Variants in CDH15 observed in about 807,000 individuals in gnomAD.
The protein encoded by CDH15 is cadherin-15.
Under a neutral mutation model 69.4 loss-of-function variants are expected in CDH15, and 73 were observed. The observed-to-expected ratio is 1.05, with a 90% CI of 0.87 to 1.28. The LOEUF is 1.28. CDH15 is among the 50% of genes most tolerant of loss of function. CDH15 has a pLI of 0.00. For synonymous variants in CDH15, 624 were observed against 507.7 expected, an observed-to-expected ratio of 1.23 and a Z score of -3.08; for missense variants, 1,343 against 1,133.6, an observed-to-expected ratio of 1.18 and a Z score of -2.65.
Position 89,180,313 on chromosome 16 carries a change from C to T in CDH15, c.315C>T (p.Phe105=). 1 of 1,612,590 alleles carries T rather than the reference C, an allele frequency of 6.2e-7. No homozygotes were observed. ...TCGACAAGTTCACAGGGAAGGTCTT[C>T]CTCAATGCCATGCTGGACCGCGAGA... is the stretch of plus-strand genomic sequence containing the variant. ...FSIDKFTGKV[F]LNAMLDREKT... Residue 105 remains phenylalanine, a synonymous_variant, in exon 3 of 14, where the codon TTC becomes TTT. Coordinates refer to ENST00000289746, the MANE Select transcript of CDH15 (RefSeq NM_004933.3).
chr16:89,182,936 G>A (rs1915409777), intron 3 of CDH15: 1 of 153,066 alleles, frequency 6.5e-6, no homozygotes, highest in South Asian at 2.1e-4. Flanking sequence ...TGTAATCCCA[G>A]CACTTTGGGA....
chr16:89,183,423 C>G (rs901032185), intron 3 of CDH15, 125 bp from the exon 4 acceptor site: 1 of 1,112,560 alleles, frequency 9.0e-7, no homozygotes, highest in Admixed American at 2.0e-5. Flanking sequence ...CTGTTTCTCG[C>G]CTGTTTAAGC....
intron 7 of CDH15, among the ~76,000 whole-genome samples, chr16:89,188,789 C>T (rs1304354767): frequency 1.5e-4 from 22 of 148,084 alleles, no homozygotes; most frequent in South Asian, 2.2e-4. Context: ...CAGATGCCCA[C>T]GCACAGGTGC....
At chr16:89,194,155 G>A (rs3785415) in intron 13 of CDH15, among the ~76,000 whole-genome samples, 70,403 of 152,168 alleles carry the variant, frequency 0.46, 19,733 homozygotes, top group Middle Eastern at 0.67. Context: ...GAGTGGCGAT[G>A]GCCACAGACC....
rs748893913 is a variant in CDH15, at chr16:89,193,431, C to A, written c.1856-39C>A. On this transcript the variant is annotated intron_variant, in intron 11 of 13. Coordinates refer to ENST00000289746, the MANE Select transcript of CDH15 (RefSeq NM_004933.3). Reference sequence around the variant, plus strand: ...GCAGCCCGGCCCCCTGAAGTCGCGCCCTGTGCCTGGCCCCAGCCTGCGTCC... The same window carrying A: ...GCAGCCCGGCCCCCTGAAGTCGCGCACTGTGCCTGGCCCCAGCCTGCGTCC... The A allele has an allele frequency of 1.4e-5, 22 of 1,570,798 alleles. No homozygotes were observed. The South Asian group carries it at 2.4e-4, about 17-fold the overall frequency.
At chr16:89,182,507 T>G (rs1272460113) in intron 3 of CDH15, 1 of 151,430 alleles carries the variant, frequency 6.6e-6, no homozygotes, top group Non-Finnish European at 1.5e-5. Context: ...CCGGGTGTGG[T>G]GGCACGCGCC....
At position 89,187,470 on chromosome 16, in the gene CDH15, G is replaced by T; in HGVS notation, c.705G>T (p.Met235Ile). The change falls in exon 6 of 14, where the codon ATG becomes ATT. Residue 235 changes from methionine to isoleucine, a missense_variant. Transcript: ENST00000289746. ...ATCTGACCCTGCAGGTGGCGGACAT[G>T]TCTGGAGACGGCCTCACAGCCACTG... ...VYNLTLQVAD[M>I]SGDGLTATAS... 1.2e-6 allele frequency: 2 copies of T among 1,613,580 alleles called. No homozygotes were observed. Among genetic ancestry groups the T allele is most frequent in the Non-Finnish European group, 1.7e-6 (2 of 1,180,030 alleles).
intron 5 of CDH15, 50 bp from the exon 6 acceptor site, chr16:89,187,379 T>C: frequency 6.2e-7 from 1 of 1,607,746 alleles, no homozygotes; most frequent in Non-Finnish European, 8.5e-7. Flanking sequence ...CCAGTCCCCA[T>C]GTGCCCCACC....
In CDH15 at chr16:89,190,559, G is replaced by A; in HGVS notation, c.1232+63G>A. ...TAACGGCCCCATTCCTGCTTCGGGTGCCCCTGATCCCTGGGCTCTGAGGGT... is the reference window on the plus strand; with the variant it reads ...TAACGGCCCCATTCCTGCTTCGGGTACCCCTGATCCCTGGGCTCTGAGGGT... On this transcript the variant is annotated intron_variant, in intron 8 of 13. Coordinates refer to ENST00000289746, the MANE Select transcript of CDH15 (RefSeq NM_004933.3). The A allele has an allele frequency of 4.5e-6, 7 of 1,546,218 alleles. 1 individual carries two copies. In the South Asian group the frequency reaches 7.1e-5, roughly 16 times the overall value.
chr16:89,184,413 C>G (rs1236297347), intron 4 of CDH15, among the ~76,000 whole-genome samples: 1 of 152,176 alleles, frequency 6.6e-6, no homozygotes, highest in African/African-American at 2.4e-5. Flanking sequence ...CCAGAGGGGT[C>G]AGGCCTAAAT....
rs1597311062 is a variant in CDH15 at position 89,190,430 on chromosome 16, C to T, written c.1166C>T (p.Pro389Leu). The change falls in exon 8 of 14, where the codon CCC (proline) becomes CTC (leucine). Residue 389 changes from proline (P) to leucine (L), a missense_variant. By Grantham distance (98) the Pro-to-Leu change is moderately conservative. Transcript: ENST00000289746. The stretch of plus-strand genomic sequence containing the variant: ...CGGACCAGCCTAGCAGAGGGGGCAC[C>T]CCCAGGCACTCTGGTGGCCACCTTC... Reference protein sequence around the residue: ...PLRTSLAEGAPPGTLVATFSA... With the variant: ...PLRTSLAEGALPGTLVATFSA... 6.2e-7 allele frequency: 1 copy of T among 1,609,868 alleles called. No individual in the cohort carries two copies.
chr16:89,191,941 C>G (rs548130724), intron 10 of CDH15, 47 bp downstream of exon 10: 24 of 1,498,274 alleles, frequency 1.6e-5, no homozygotes, highest in Non-Finnish European at 2.1e-5. Flanking sequence ...ACGCTCCCCC[C>G]ACCCCCACAT....
intron 1 of CDH15, among the ~76,000 whole-genome samples, chr16:89,173,726 C>T (rs2151596942): frequency 6.6e-6 from 1 of 152,322 alleles, no homozygotes; most frequent in African/African-American, 2.4e-5. Flanking sequence ...GGGCCTTCTA[C>T]AAGTGAGGGG....
In CDH15 at chr16:89,180,289, C is replaced by G; in HGVS notation, c.291C>G (p.Ile97Met). 2 of 1,611,626 alleles carry G rather than the reference C, an allele frequency of 1.2e-6. No homozygotes were observed. The highest frequency in any genetic ancestry group is 1.7e-6 in the Non-Finnish European group (2 of 1,179,102). ...VDEEPRGVFS[I>M]DKFTGKVFLN... ...AGGAGCCCCGGGGCGTCTTCTCTAT[C>G]GACAAGTTCACAGGGAAGGTCTTCC... The change falls in exon 3 of 14, where the codon ATC (isoleucine) becomes ATG (methionine). Residue 97 changes from isoleucine (I) to methionine (M), a missense_variant. By Grantham distance (10) the Ile-to-Met change is conservative (BLOSUM62 1). Transcript: ENST00000289746.
At position 89,176,362 on chromosome 16, in the gene CDH15, C is replaced by A. The variant is rs113582471; in HGVS notation, c.43-3054C>A. ...GGGGCGTGGTGGTCAGAGTAGCTGT[C>A]GACACCTGTGGTTTTGCAGGGGGAG... On this transcript the variant is annotated intron_variant, in intron 1 of 13. Coordinates refer to ENST00000289746, the MANE Select transcript of CDH15 (RefSeq NM_004933.3). Among the ~76,000 whole-genome samples the A allele has an allele frequency of 1.5e-3, 223 of 152,196 alleles. 2 individuals carry two copies. The highest frequency in any genetic ancestry group is 4.3e-3 in the African/African-American group (179 of 41,544).
intron 9 of CDH15, 63 bp from the exon 10 acceptor site, chr16:89,191,592 G>C: frequency 6.4e-7 from 1 of 1,572,434 alleles, no homozygotes; most frequent in African/African-American, 1.3e-5. Context: ...CACCCGCTCT[G>C]AGCCGACTGG....
chr16:89,177,196 G>A (rs1915275861), intron 1 of CDH15, among the ~76,000 whole-genome samples: 1 of 151,952 alleles, frequency 6.6e-6, no homozygotes, highest in African/African-American at 2.4e-5. Flanking sequence ...GGCGGGAAGG[G>A]CCTCGGGTCT....
Position 89,183,485 on chromosome 16 carries a change from C to G in CDH15, c.358-63C>G, listed in dbSNP as rs1455123165. 12 of 1,593,170 alleles carry G rather than the reference C, an allele frequency of 7.5e-6. No homozygotes were observed. In the Admixed American group the frequency reaches 2.0e-4, roughly 27 times the overall value. ...TGAACGTGCTGTCTCTTTCGCATGG[C>G]CCTAACGGGAGCCACAGAAATTTGG... is the stretch of plus-strand genomic sequence containing the variant. On this transcript the variant is annotated intron_variant, in intron 3 of 13. Coordinates refer to ENST00000289746, the MANE Select transcript of CDH15 (RefSeq NM_004933.3).
chr16:89,171,829 C>G lies in CDH15; in HGVS notation c.-3C>G, dbSNP rs895094248. 5 of 1,556,844 alleles carry G rather than the reference C, an allele frequency of 3.2e-6. No individual in the cohort carries two copies. Among genetic ancestry groups the G allele is most frequent in the Non-Finnish European group, 4.3e-6 (5 of 1,154,412 alleles). On this transcript the variant is annotated 5_prime_UTR_variant, in exon 1 of 14. Coordinates refer to ENST00000289746, the MANE Select transcript of CDH15 (RefSeq NM_004933.3). ...CTCCGGCCCGGCTCCCGCCTCGGCC[C>G]CGATGGACGCCGCGTTCCTCCTCGT...
Sources: allele counts gnomAD v4.1 joint callset (sites outside exome capture counted in the v4.1 genomes callset), GRCh38; gene constraint gnomAD v4.1.1; transcripts MANE v1.5; gene names NCBI Gene and HGNC (gene_info 2026-07-23, HGNC 2026-07-21).